The following SLC49A3 variants were observed in gnomAD, a reference collection of about 807,000 sequenced individuals.
SLC49A3 encodes the protein solute carrier family 49 member 3, also known as solute carrier family 49 member A3.
SLC49A3 carries 50 observed loss-of-function variants against 43.8 expected under a neutral mutation model. The observed-to-expected ratio is 1.14, with a 90% CI of 0.91 to 1.45. The LOEUF is 1.45. SLC49A3 is among the 40% of genes most tolerant of loss of function. The pLI, the probability that SLC49A3 is intolerant of heterozygous loss-of-function variation, is 0.00. For missense variants in SLC49A3, 906 were observed against 774.1 expected, an observed-to-expected ratio of 1.17 and a Z score of -2.02; for synonymous variants, 413 against 352.0, an observed-to-expected ratio of 1.17 and a Z score of -1.94.
At chr4:678,990 C>A, downstream of SLC49A3, 1 of 1,613,830 alleles carries the variant, frequency 6.2e-7, no homozygotes, top group Non-Finnish European at 8.5e-7. Context: ...ACCGAGATGG[C>A]TTCATTGACA....
chr4:678,165 C>T (rs1739042310), downstream of SLC49A3: 1 of 1,543,146 alleles, frequency 6.5e-7, no homozygotes, highest in Non-Finnish European at 8.8e-7. Flanking sequence ...GCTCTGCCTG[C>T]ATATGTGTGT....
Position 684,824 on chromosome 4 carries a change from G to A in SLC49A3, c.618C>T (p.Val206=). 1 of 1,612,508 alleles carries A rather than the reference G, an allele frequency of 6.2e-7. No individual in the cohort carries two copies. The highest frequency in any genetic ancestry group is 1.3e-5 in the African/African-American group (1 of 75,042). ...LGVYTIPAGV[V]CLLSTICLWE... ...ACAGGCAGATGGTGGACAGCAGGCA[G>A]ACGACGCCAGCAGGGATGGTATAGA... is the stretch of plus-strand genomic sequence containing the variant. The change falls in exon 5 of 10, where the codon GTC becomes GTT. Residue 206 remains valine (V), a synonymous_variant. Transcript: ENST00000322224.
chr4:688,660 A>G (rs1741524892), intron 1 of SLC49A3, among the ~76,000 whole-genome samples: 1 of 151,982 alleles, frequency 6.6e-6, no homozygotes, highest in African/African-American at 2.4e-5. Flanking sequence ...TGGGGCTGGG[A>G]GGCGTGGAAG....
downstream of SLC49A3, chr4:677,852 C>G (rs555118733): frequency 1.5e-5 from 16 of 1,075,024 alleles, no homozygotes; most frequent in East Asian, 3.9e-4. Context: ...GTGTGAGTCA[C>G]TGCCAGGCTG....
Position 684,543 on chromosome 4 carries a change from C to G in SLC49A3, c.780G>C (p.Gly260=). The part of the protein sequence containing the change: ...ILAVCLGGMI[G]ISASFSALLE... The stretch of plus-strand genomic sequence containing the variant: ...GGAGGGCTGAGAAGCTGGCAGAGAT[C>G]CCGATCATTCCCCCCAAGCACACAG... The change falls in exon 6 of 10, where the codon GGG becomes GGC. Residue 260 remains glycine (G), a synonymous_variant. Coordinates refer to ENST00000322224, the MANE Select transcript of SLC49A3 (RefSeq NM_032219.4). The G allele has an allele frequency of 6.2e-7, 1 of 1,613,230 alleles. No homozygotes were observed. Among genetic ancestry groups the G allele is most frequent in the Non-Finnish European group, 8.5e-7 (1 of 1,179,946 alleles).
upstream of SLC49A3, among the ~76,000 whole-genome samples, chr4:691,024 C>T (rs888250850): frequency 3.3e-5 from 5 of 152,342 alleles, no homozygotes; most frequent in South Asian, 2.1e-4. Context: ...CGGTGGCTCA[C>T]GCCTGTAATC....
At chr4:677,750 TC>T (rs756126144), downstream of SLC49A3, among the ~76,000 whole-genome samples, 44 of 152,134 alleles carry the variant, frequency 2.9e-4, no homozygotes, top group Non-Finnish European at 5.2e-4. Flanking sequence ...GAACAAAGCC[TC>T]CCCGGGGTTC....
chr4:683,308 C>A lies in SLC49A3; in HGVS notation c.1053G>T (p.Leu351=), dbSNP rs755851474. 5 of 1,612,640 alleles carry A rather than the reference C, an allele frequency of 3.1e-6. No homozygotes were observed. The South Asian group carries it at 4.4e-5, about 14-fold the overall frequency. The stretch of plus-strand genomic sequence containing the variant: ...CCACGGGGCCCACCGAGAAGCCAAA[C>A]AGCCCGAGCAGCGAGCAGGTGGCAG... ...ALAATCSLLG[L]FGFSVGPVAM... Residue 351 remains leucine (L), a synonymous_variant, in exon 8 of 10, where the codon CTG becomes CTT. Coordinates refer to ENST00000322224, the MANE Select transcript of SLC49A3 (RefSeq NM_032219.4).
intron 2 of SLC49A3, 40 bp downstream of exon 2, chr4:686,492 C>T (rs1338263320): frequency 1.9e-6 from 3 of 1,601,000 alleles, no homozygotes; most frequent in Middle Eastern, 1.8e-4. Context: ...GGGGCCCCTG[C>T]ACTGTCCCGG....
At chr4:679,801 C>T (rs1279604197), downstream of SLC49A3, 13 of 866,594 alleles carry the variant, frequency 1.5e-5, no homozygotes, top group South Asian at 4.6e-5. Context: ...GTCTCCTTCC[C>T]GCTCCCTCCC....
downstream of SLC49A3, chr4:679,290 G>A (rs554537432): frequency 7.9e-4 from 308 of 388,030 alleles, 1 homozygote; most frequent in African/African-American, 0.014. Flanking sequence ...GAGGCAGCAG[G>A]CTCCAGGGAG....
downstream of SLC49A3, among the ~76,000 whole-genome samples, chr4:677,155 G>A (rs963791060): frequency 6.6e-6 from 1 of 152,176 alleles, no homozygotes; most frequent in Non-Finnish European, 1.5e-5. Flanking sequence ...CCACGCAGAC[G>A]CAGGCCTGGG....
At chr4:679,637 T>C (rs536457177), downstream of SLC49A3, among the ~76,000 whole-genome samples, 2 of 152,264 alleles carry the variant, frequency 1.3e-5, no homozygotes, top group African/African-American at 4.8e-5. Flanking sequence ...TCGGCCCTGC[T>C]TATGCCCAGA....
chr4:688,828 G>T, intron 1 of SLC49A3, 165 bp downstream of exon 1: 3 of 1,189,146 alleles, frequency 2.5e-6, no homozygotes, highest in South Asian at 1.7e-5. Context: ...CCACCTCCAG[G>T]ACAGACAGTG....
chr4:678,212 G>A (rs915988925), downstream of SLC49A3: 43 of 1,508,280 alleles, frequency 2.9e-5, no homozygotes, highest in Middle Eastern at 2.4e-4. Context: ...GTGACCTTGC[G>A]GGTGTGGGCT....
At position 689,046 on chromosome 4, in the gene SLC49A3, G is replaced by A; in HGVS notation, c.82C>T (p.Arg28Cys). Residue 28 changes from arginine to cysteine, a missense_variant, in exon 1 of 10, where the codon CGC becomes TGC. By Grantham distance (180) the Arg-to-Cys change is radical. Transcript: ENST00000322224. Reference protein sequence around the residue: ...CAQRGHRTYARRWVFLLAISL... With the variant: ...CAQRGHRTYACRWVFLLAISL... ...ATCGCGAGCAGGAACACCCAGCGGCGCGCGTAGGTGCGGTGGCCCCGCTGC... is the reference window on the plus strand; with the variant it reads ...ATCGCGAGCAGGAACACCCAGCGGCACGCGTAGGTGCGGTGGCCCCGCTGC... The A allele has an allele frequency of 1.9e-6, 3 of 1,586,500 alleles. No homozygotes were observed. The highest frequency in any genetic ancestry group is 2.6e-6 in the Non-Finnish European group (3 of 1,169,794).
intron 3 of SLC49A3, 60 bp downstream of exon 3, chr4:686,029 G>A (rs778614809): frequency 2.6e-4 from 416 of 1,606,860 alleles, no homozygotes; most frequent in Non-Finnish European, 3.2e-4. Context: ...CTGGGGAGCC[G>A]AGCGTCTGTG....
intron 6 of SLC49A3, 139 bp downstream of exon 6, chr4:684,344 G>A: frequency 8.3e-6 from 10 of 1,197,712 alleles, no homozygotes; most frequent in Non-Finnish European, 1.2e-5. Flanking sequence ...GGGCATCTCG[G>A]GAGGGCCCAC....
chr4:686,224 G>A lies in SLC49A3; in HGVS notation c.373C>T (p.Pro125Ser), dbSNP rs1217417145. 1 of 1,613,612 alleles carries A rather than the reference G, an allele frequency of 6.2e-7. No homozygotes were observed. Residue 125 changes from proline (P) to serine (S), a missense_variant, in exon 3 of 10, where the codon CCA becomes TCA. By Grantham distance (74) the Pro-to-Ser change is moderately conservative. Transcript: ENST00000322224. The part of the protein sequence containing the change: ...VPCMVVGTQN[P>S]FAFLMGGQSL... Reference sequence around the variant, plus strand: ...TGGCCACCCATGAGGAAGGCAAATGGGTTTTGGGTCCCAACAACCATGCAG... The same window carrying A: ...TGGCCACCCATGAGGAAGGCAAATGAGTTTTGGGTCCCAACAACCATGCAG...
Sources: allele counts gnomAD v4.1 joint callset (sites outside exome capture counted in the v4.1 genomes callset), GRCh38; gene constraint gnomAD v4.1.1; transcripts MANE v1.5; gene names NCBI Gene and HGNC (gene_info 2026-07-23, HGNC 2026-07-21).